DEFB132: variants seen among roughly 807,000 people sequenced by gnomAD.
DEFB132 encodes beta-defensin 132.
A neutral mutation model predicts 2.5 loss-of-function variants in DEFB132; 5 were observed. The observed-to-expected ratio is 2.00, with a 90% CI of 1.04 to 4.20. The LOEUF is 4.20. DEFB132 is among the 30% of genes most tolerant of loss of function. The pLI, the probability that DEFB132 is intolerant of heterozygous loss-of-function variation, is 0.00. For synonymous variants in DEFB132, 53 were observed against 46.2 expected, an observed-to-expected ratio of 1.15 and a Z score of -0.60; for missense variants, 112 against 110.0, an observed-to-expected ratio of 1.02 and a Z score of -0.08.
chr20:258,937 C>T (rs2011608913), intron 1 of DEFB132, 140 bp from the exon 2 acceptor site: 3 of 795,594 alleles, frequency 3.8e-6, no homozygotes, highest in East Asian at 2.7e-5. Context: ...TCATCACTGG[C>T]TTTCCCAAGT....
chr20:260,458 T>C lies in DEFB132; in HGVS notation c.*1152T>C, dbSNP rs1257257190. On this transcript the variant is annotated 3_prime_UTR_variant, in exon 2 of 2. Coordinates refer to ENST00000382376, the MANE Select transcript of DEFB132 (RefSeq NM_207469.3). ...CATAATAACATTATTCAAAATTGCA[T>C]TTATGCTATAGTTGTCAAAATTGTC... 1 of 152,252 alleles carries C rather than the reference T, an allele frequency of 6.6e-6. No homozygotes were observed. Among genetic ancestry groups the C allele is most frequent in the East Asian group, 1.9e-4 (1 of 5,204 alleles). 9.4% of individuals were successfully genotyped at this position (152,252 alleles called of 1,614,324 possible).
At position 259,375 on chromosome 20, in the gene DEFB132, G is replaced by T; in HGVS notation, c.*69G>T. ...CCACAGTTCCAATTCCTCCTACATT[G>T]CTGAGTACTAGCCAAGGCTCCTCTT... is the stretch of plus-strand genomic sequence containing the variant. On this transcript the variant is annotated 3_prime_UTR_variant, in exon 2 of 2. Coordinates refer to ENST00000382376, the MANE Select transcript of DEFB132 (RefSeq NM_207469.3). 1 of 1,533,602 alleles carries T rather than the reference G, an allele frequency of 6.5e-7. No individual in the cohort carries two copies. Among genetic ancestry groups the T allele is most frequent in the Non-Finnish European group, 8.9e-7 (1 of 1,128,426 alleles). The allele number at this position is 1,533,602 out of a possible 1,614,324, so 95.0% of individuals were successfully genotyped here.
chr20:259,076 G>A lies in DEFB132; in HGVS notation c.59-1G>A. 2 of 1,614,088 alleles carry A rather than the reference G, an allele frequency of 1.2e-6. No individual in the cohort carries two copies. The highest frequency in any genetic ancestry group is 1.7e-6 in the Non-Finnish European group (2 of 1,179,996). Reference sequence around the variant, plus strand: ...TCTCTGTCTTGTCCTCTCCCATACAGCCAGTGCAGGTGGGTCAAAATGTGT... The same window carrying A: ...TCTCTGTCTTGTCCTCTCCCATACAACCAGTGCAGGTGGGTCAAAATGTGT... On this transcript the variant is annotated splice_acceptor_variant, in intron 1 of 1. Coordinates refer to ENST00000382376, the MANE Select transcript of DEFB132 (RefSeq NM_207469.3). LOFTEE classifies it high-confidence loss of function.
At chr20:258,366 G>A (rs548032977) in intron 1 of DEFB132, among the ~76,000 whole-genome samples, 2 of 152,264 alleles carry the variant, frequency 1.3e-5, no homozygotes, top group African/African-American at 4.8e-5. Flanking sequence ...GGGTCAGAAA[G>A]AGAGAGAGAC....
chr20:259,363 T>TC lies in DEFB132; in HGVS notation c.*59dup. ...GAAATATCATTTCCACAGTTCCAATTCCTCCTACATTGCTGAGTACTAGCC... is the reference window on the plus strand; with the variant it reads ...GAAATATCATTTCCACAGTTCCAATTCCCTCCTACATTGCTGAGTACTAGCC... On this transcript the variant is annotated 3_prime_UTR_variant, in exon 2 of 2. Coordinates refer to ENST00000382376, the MANE Select transcript of DEFB132 (RefSeq NM_207469.3). 6.4e-7 allele frequency: 1 copy of TC among 1,568,450 alleles called. No homozygotes were observed. Among genetic ancestry groups the TC allele is most frequent in the Non-Finnish European group, 8.7e-7 (1 of 1,152,408 alleles).
At position 260,443 on chromosome 20, in the gene DEFB132, T is replaced by C. The variant is rs912144221; in HGVS notation, c.*1137T>C. The C allele has an allele frequency of 6.6e-6, 1 of 152,210 alleles. No homozygotes were observed. The highest frequency in any genetic ancestry group is 3.2e-3 in the Middle Eastern group (1 of 316). 9.4% of individuals were successfully genotyped at this position (152,210 alleles called of 1,614,324 possible). A position where few individuals can be genotyped will look rare whatever the true frequency, so the allele number is the denominator to read the frequency against. ...TATAGAATAATGGAACATAATAACA[T>C]TATTCAAAATTGCATTTATGCTATA... On this transcript the variant is annotated 3_prime_UTR_variant, in exon 2 of 2. Coordinates refer to ENST00000382376, the MANE Select transcript of DEFB132 (RefSeq NM_207469.3).
intron 1 of DEFB132, among the ~76,000 whole-genome samples, chr20:258,584 GTTA>G (rs1445346202): frequency 6.6e-6 from 1 of 152,140 alleles, no homozygotes; most frequent in African/African-American, 2.4e-5. Flanking sequence ...ACTGGCAACC[GTTA>G]TTTTCTTTTT....
At chr20:258,168 AT>A (rs1323479010) in intron 1 of DEFB132, among the ~76,000 whole-genome samples, 1 of 152,212 alleles carries the variant, frequency 6.6e-6, no homozygotes, top group Non-Finnish European at 1.5e-5. Flanking sequence ...ATGTGCATCC[AT>A]TGAGATCAGC....
Position 260,559 on chromosome 20 carries a change from C to A in DEFB132, c.*1253C>A, listed in dbSNP as rs1231175971. On this transcript the variant is annotated 3_prime_UTR_variant, in exon 2 of 2. Transcript: ENST00000382376. ...GAAAGCAGAATTATGCATAAATTTC[C>A]TCTTACAGTTCGATGCCCATTAGTT... is the stretch of plus-strand genomic sequence containing the variant. 1 of 152,088 alleles carries A rather than the reference C, an allele frequency of 6.6e-6. No homozygotes were observed. Among genetic ancestry groups the A allele is most frequent in the Non-Finnish European group, 1.5e-5 (1 of 68,028 alleles). The allele number at this position is 152,088 out of a possible 1,614,324, so 9.4% of individuals were successfully genotyped here.
chr20:260,645 C>A lies in DEFB132; in HGVS notation c.*1339C>A, dbSNP rs1338451894. 6.6e-6 allele frequency: 1 copy of A among 152,144 alleles called. No homozygotes were observed. Among genetic ancestry groups the A allele is most frequent in the East Asian group, 1.9e-4 (1 of 5,200 alleles). 9.4% of individuals were successfully genotyped at this position (152,144 alleles called of 1,614,324 possible). On this transcript the variant is annotated 3_prime_UTR_variant, in exon 2 of 2. Coordinates refer to ENST00000382376, the MANE Select transcript of DEFB132 (RefSeq NM_207469.3). Reference sequence around the variant, plus strand: ...TCTGAGAAGAACAAACCAAAACACTCAGGCCTAAATAATTAAAAACGGTCC... The same window carrying A: ...TCTGAGAAGAACAAACCAAAACACTAAGGCCTAAATAATTAAAAACGGTCC...
chr20:259,397 T>A lies in DEFB132; in HGVS notation c.*91T>A, dbSNP rs2011617593. 1 of 1,407,930 alleles carries A rather than the reference T, an allele frequency of 7.1e-7. No homozygotes were observed. The highest frequency in any genetic ancestry group is 2.4e-5 in the East Asian group (1 of 40,854). The allele number at this position is 1,407,930 out of a possible 1,614,324, so 87.2% of individuals were successfully genotyped here. The stretch of plus-strand genomic sequence containing the variant: ...ATTGCTGAGTACTAGCCAAGGCTCC[T>A]CTTTATGGGGCAGATATCTATAGCC... On this transcript the variant is annotated 3_prime_UTR_variant, in exon 2 of 2. Transcript: ENST00000382376.
chr20:257,803 G>T lies in DEFB132; in HGVS notation c.25G>T (p.Ala9Ser). 6.3e-7 allele frequency: 1 copy of T among 1,595,616 alleles called. No homozygotes were observed. Among genetic ancestry groups the T allele is most frequent in the Non-Finnish European group, 8.5e-7 (1 of 1,170,612 alleles). The change falls in exon 1 of 2, where the codon GCA (alanine) becomes TCA (serine). Residue 9 changes from alanine (A) to serine (S), a missense_variant. By Grantham distance (99) the Ala-to-Ser change is moderately conservative. Coordinates refer to ENST00000382376, the MANE Select transcript of DEFB132 (RefSeq NM_207469.3). ...CATGAAGTTCCTGCTCCTGGTCTTGGCAGCCCTCGGATTCCTGACCCAGGT... is the reference window on the plus strand; with the variant it reads ...CATGAAGTTCCTGCTCCTGGTCTTGTCAGCCCTCGGATTCCTGACCCAGGT... MKFLLLVL[A>S]ALGFLTQVIP...
rs1414677516 is a variant in DEFB132 at position 260,937 on chromosome 20, A to C, written c.*1631A>C. Reference sequence around the variant, plus strand: ...AAAGATATCATTTTGAAATTCATCCATCTTATTGGGTATTGCAGGAGTTCA... The same window carrying C: ...AAAGATATCATTTTGAAATTCATCCCTCTTATTGGGTATTGCAGGAGTTCA... On this transcript the variant is annotated 3_prime_UTR_variant, in exon 2 of 2. Coordinates refer to ENST00000382376, the MANE Select transcript of DEFB132 (RefSeq NM_207469.3). 1.3e-5 allele frequency: 2 copies of C among 152,224 alleles called. No individual in the cohort carries two copies. The highest frequency in any genetic ancestry group is 2.9e-5 in the Non-Finnish European group (2 of 68,042). 9.4% of individuals were successfully genotyped at this position (152,224 alleles called of 1,614,324 possible).
intron 1 of DEFB132, among the ~76,000 whole-genome samples, chr20:258,211 T>C (rs1449783658): frequency 3.3e-5 from 5 of 152,118 alleles, no homozygotes; most frequent in Admixed American, 1.3e-4. Flanking sequence ...ATTTTGAGCC[T>C]AGAAGGAAGA....
rs1196342235 is a variant in DEFB132 at position 260,357 on chromosome 20, A to C, written c.*1051A>C. On this transcript the variant is annotated 3_prime_UTR_variant, in exon 2 of 2. Coordinates refer to ENST00000382376, the MANE Select transcript of DEFB132 (RefSeq NM_207469.3). ...ATTATTTAAAATGCTGAGAAAATGAAAAAATCTAAATGGTGAAATATATAC... is the reference window on the plus strand; with the variant it reads ...ATTATTTAAAATGCTGAGAAAATGACAAAATCTAAATGGTGAAATATATAC... 1.3e-5 allele frequency: 2 copies of C among 152,216 alleles called. No homozygotes were observed. Among genetic ancestry groups the C allele is most frequent in the Non-Finnish European group, 2.9e-5 (2 of 68,036 alleles). The allele number at this position is 152,216 out of a possible 1,614,324, so 9.4% of individuals were successfully genotyped here.
rs1345940983 is a variant in DEFB132, at chr20:257,750, C to A, written c.-29C>A. 5 of 1,603,244 alleles carry A rather than the reference C, an allele frequency of 3.1e-6. No homozygotes were observed. In the Admixed American group the frequency reaches 8.4e-5, roughly 27 times the overall value. On this transcript the variant is annotated 5_prime_UTR_variant, in exon 1 of 2. Transcript: ENST00000382376. The stretch of plus-strand genomic sequence containing the variant: ...GAGGGACCCAACTCCATTAAACCAC[C>A]ACCAGCTCCCCAAGCCACCCCTTCA...
In DEFB132 at chr20:259,075, A is replaced by G. The variant is rs752405997; in HGVS notation, c.59-2A>G. The G allele has an allele frequency of 1.2e-6, 2 of 1,614,070 alleles. No individual in the cohort carries two copies. The highest frequency in any genetic ancestry group is 1.7e-5 in the Admixed American group (1 of 60,002). On this transcript the variant is annotated splice_acceptor_variant, in intron 1 of 1. Coordinates refer to ENST00000382376, the MANE Select transcript of DEFB132 (RefSeq NM_207469.3). LOFTEE classifies it high-confidence loss of function. ...TTCTCTGTCTTGTCCTCTCCCATAC[A>G]GCCAGTGCAGGTGGGTCAAAATGTG...
rs753957032 is a variant in DEFB132, at chr20:260,751, G to A, written c.*1445G>A. 6.6e-6 allele frequency: 1 copy of A among 152,098 alleles called. No individual in the cohort carries two copies. The highest frequency in any genetic ancestry group is 1.5e-5 in the Non-Finnish European group (1 of 68,016). 9.4% of individuals were successfully genotyped at this position (152,098 alleles called of 1,614,324 possible). On this transcript the variant is annotated 3_prime_UTR_variant, in exon 2 of 2. Coordinates refer to ENST00000382376, the MANE Select transcript of DEFB132 (RefSeq NM_207469.3). ...TCTTAGACCAAAATTAATTCTAGAT[G>A]GTTTTAAAATGACAGTGTAAAAGTA...
At position 260,065 on chromosome 20, in the gene DEFB132, T is replaced by A. The variant is rs369103; in HGVS notation, c.*759T>A. ...TAGACTGACTTGTGAGGTATTTATT[T>A]ATTCATTTGAGTAACAAAGCAGACA... On this transcript the variant is annotated 3_prime_UTR_variant, in exon 2 of 2. Transcript: ENST00000382376. 89,195 of 151,574 alleles carry A rather than the reference T, an allele frequency of 0.59. 26,404 individuals are homozygous for A. The highest frequency in any genetic ancestry group is 0.67 in the East Asian group (3,445 of 5,150). 9.4% of individuals were successfully genotyped at this position (151,574 alleles called of 1,614,324 possible). A position where few individuals can be genotyped will look rare whatever the true frequency, so the allele number is the denominator to read the frequency against.
Sources: allele counts gnomAD v4.1 joint callset (sites outside exome capture counted in the v4.1 genomes callset), GRCh38; gene constraint gnomAD v4.1.1; transcripts MANE v1.5; gene names NCBI Gene and HGNC (gene_info 2026-07-23, HGNC 2026-07-21).